The following SLC9C1 variants were observed in gnomAD, a reference collection of about 807,000 sequenced individuals.
SLC9C1 encodes the protein solute carrier family 9 member C1.
A neutral mutation model predicts 140.9 loss-of-function variants in SLC9C1; 97 were observed. That is an observed-to-expected ratio of 0.69 (90% confidence interval 0.58 to 0.82). The LOEUF (loss-of-function observed/expected upper bound fraction) is 0.82. SLC9C1 is among the 40% of genes least tolerant of loss of function. The pLI is 0.00. For synonymous variants in SLC9C1, 440 were observed against 442.6 expected (o/e 0.99, Z 0.07); for missense variants, 1,340 against 1,389.3 (o/e 0.96, Z 0.56).
chr3:112,268,102 G>A (rs986665969), intron 7 of SLC9C1, among the ~76,000 whole-genome samples: 2 of 152,020 alleles, frequency 1.3e-5, no homozygotes, highest in Non-Finnish European at 2.9e-5. Context: ...CTTTAATCTT[G>A]AAACTAGGGT....
intron 27 of SLC9C1, 23 bp from the exon 28 acceptor site, chr3:112,151,986 A>G: frequency 4.5e-6 from 7 of 1,560,266 alleles, no homozygotes; most frequent in Non-Finnish European, 6.0e-6. Flanking sequence ...ACACTTTGTT[A>G]CTTGATGTCA....
intron 20 of SLC9C1, among the ~76,000 whole-genome samples, chr3:112,184,813 A>G (rs2077502422): frequency 6.6e-6 from 1 of 152,178 alleles, no homozygotes; most frequent in African/African-American, 2.4e-5. Flanking sequence ...GGGGTCTGGG[A>G]GCCCACAGGG....
At position 112,199,478 on chromosome 3, in the gene SLC9C1, T is replaced by C. The variant is rs777633868; in HGVS notation, c.2375-9A>G. ...ATCATACTCTAAGTAGCCTAAAAAA[T>C]AACAAAATATTTTTAGATTAAATAA... is the stretch of plus-strand genomic sequence containing the variant. On this transcript the variant is annotated splice_polypyrimidine_tract_variant and intron_variant, in intron 19 of 28. Coordinates refer to ENST00000305815, the MANE Select transcript of SLC9C1 (RefSeq NM_183061.3). 1.9e-6 allele frequency: 3 copies of C among 1,545,202 alleles called. No individual in the cohort carries two copies. The South Asian group carries it at 3.9e-5, about 20-fold the overall frequency.
At chr3:112,212,136 G>C (rs1204672756) in intron 15 of SLC9C1, among the ~76,000 whole-genome samples, 1 of 152,218 alleles carries the variant, frequency 6.6e-6, no homozygotes, top group African/African-American at 2.4e-5. Context: ...CAGACCTGCA[G>C]CTGAGGGTCC....
At chr3:112,214,960 A>G (rs938429480) in intron 15 of SLC9C1, among the ~76,000 whole-genome samples, 3 of 152,240 alleles carry the variant, frequency 2.0e-5, no homozygotes, top group African/African-American at 7.2e-5. Context: ...AAAATCCTCA[A>G]TAAAATACTG....
chr3:112,214,583 T>C (rs1223621731), intron 15 of SLC9C1, among the ~76,000 whole-genome samples: 2 of 152,080 alleles, frequency 1.3e-5, no homozygotes, highest in African/African-American at 2.4e-5. Flanking sequence ...TATAAACACC[T>C]CTACACAAAT....
intron 12 of SLC9C1, among the ~76,000 whole-genome samples, chr3:112,235,876 T>C (rs1171478630): frequency 1.3e-5 from 2 of 152,202 alleles, no homozygotes; most frequent in Admixed American, 1.3e-4. Context: ...TTTGCCAGTA[T>C]TTTATTGAGG....
chr3:112,158,724 A>G lies in SLC9C1; in HGVS notation c.3365-3675T>C, dbSNP rs553959522. ...TGTTATGGGTCTGTACAGGTGTTCT[A>G]TTTCTTCATGTTTCAATTTTGATAG... On this transcript the variant is annotated intron_variant, in intron 26 of 28. Coordinates refer to ENST00000305815, the MANE Select transcript of SLC9C1 (RefSeq NM_183061.3). Among the ~76,000 whole-genome samples the G allele has an allele frequency of 3.5e-3, 527 of 151,632 alleles. 1 individual carries two copies. Among genetic ancestry groups the G allele is most frequent in the Non-Finnish European group, 5.1e-3 (347 of 67,776 alleles).
intron 1 of SLC9C1, among the ~76,000 whole-genome samples, chr3:112,288,467 G>T (rs2080583554): frequency 6.6e-6 from 1 of 152,166 alleles, no homozygotes; most frequent in Non-Finnish European, 1.5e-5. Flanking sequence ...AGGTAAAAGT[G>T]CATACTCTGG....
intron 1 of SLC9C1, among the ~76,000 whole-genome samples, chr3:112,287,902 G>A (rs961463949): frequency 1.3e-5 from 2 of 151,978 alleles, no homozygotes; most frequent in Non-Finnish European, 1.5e-5. Flanking sequence ...AATTAGCCGG[G>A]CATGGTGGCG....
intron 12 of SLC9C1, among the ~76,000 whole-genome samples, chr3:112,236,650 G>A (rs1256421129): frequency 6.6e-6 from 1 of 152,178 alleles, no homozygotes. Context: ...ATGTGTCCCA[G>A]AGATCCTGGT....
At chr3:112,159,474 G>A (rs1264667637) in intron 26 of SLC9C1, among the ~76,000 whole-genome samples, 1 of 152,004 alleles carries the variant, frequency 6.6e-6, no homozygotes, top group Non-Finnish European at 1.5e-5. Flanking sequence ...TTGTTTTGTG[G>A]CTTAACATGT....
intron 18 of SLC9C1, among the ~76,000 whole-genome samples, chr3:112,201,860 A>G (rs2077914976): frequency 6.6e-6 from 1 of 151,994 alleles, no homozygotes; most frequent in Admixed American, 6.6e-5. Flanking sequence ...AGAGAGATGA[A>G]AGAAGCTTTT....
chr3:112,283,987 G>T (rs180827210), intron 2 of SLC9C1, among the ~76,000 whole-genome samples: 2 of 152,072 alleles, frequency 1.3e-5, no homozygotes, highest in African/African-American at 4.8e-5. Context: ...TGTTGCCTCC[G>T]CGACCCCAAG....
intron 20 of SLC9C1, among the ~76,000 whole-genome samples, chr3:112,188,941 T>A (rs1253551144): frequency 6.6e-6 from 1 of 152,238 alleles, no homozygotes; most frequent in African/African-American, 2.4e-5. Context: ...TGGTGTGAGA[T>A]GTTATCTCAC....
chr3:112,177,289 G>A (rs1426870192), intron 23 of SLC9C1, among the ~76,000 whole-genome samples: 1 of 151,192 alleles, frequency 6.6e-6, no homozygotes, highest in Non-Finnish European at 1.5e-5. Flanking sequence ...TTACAGGCGT[G>A]ACCCGCCACA....
intron 10 of SLC9C1, among the ~76,000 whole-genome samples, chr3:112,251,911 G>T (rs1051125270): frequency 1.3e-5 from 2 of 152,178 alleles, no homozygotes; most frequent in African/African-American, 4.8e-5. Context: ...TTTCCTAGAG[G>T]TATGGACAGG....
At chr3:112,146,759 T>A (rs934996700) in intron 28 of SLC9C1, among the ~76,000 whole-genome samples, 5 of 152,168 alleles carry the variant, frequency 3.3e-5, no homozygotes, top group African/African-American at 1.2e-4. Flanking sequence ...ATTTTTTGTG[T>A]GCGGATGAGA....
At position 112,169,238 on chromosome 3, in the gene SLC9C1, C is replaced by A. The variant is rs374547341; in HGVS notation, c.3010G>T (p.Ala1004Ser). Residue 1004 changes from alanine (A) to serine (S), a missense_variant, in exon 24 of 29, where the codon GCT becomes TCT. Physicochemically the swap from Ala to Ser is moderately conservative, Grantham distance 99. Coordinates refer to ENST00000305815, the MANE Select transcript of SLC9C1 (RefSeq NM_183061.3). ...TCTCTGATTTTTCTGGCTGTAATAG[C>A]GAGTCCAAGTTTTAGCCACATTTTT... ...KQKMWLKLGLAITARKIREHL... is the reference protein window; with the variant it reads ...KQKMWLKLGLSITARKIREHL... 9 of 1,613,488 alleles carry A rather than the reference C, an allele frequency of 5.6e-6. No homozygotes were observed. The highest frequency in any genetic ancestry group is 2.2e-5 in the East Asian group (1 of 44,774).
Sources: gnomAD v4.1 joint callset for allele counts (sites outside exome capture counted in the v4.1 genomes callset) on GRCh38, gnomAD v4.1.1 for gene constraint, MANE v1.5 for transcripts, NCBI Gene and HGNC (gene_info 2026-07-23, HGNC 2026-07-21) for gene names.